ZNF350: variants seen among roughly 807,000 people sequenced by gnomAD.
The protein encoded by ZNF350 is KRAB zinc finger protein ZFQR.
ZNF350 carries 5 observed loss-of-function variants against 13.1 expected under a neutral mutation model. The observed-to-expected ratio is 0.38, with a 90% CI of 0.20 to 0.80. ZNF350 has a LOEUF of 0.80. Among genes scored for constraint, ZNF350 ranks in the 30% least tolerant of loss-of-function variants. The pLI is 0.43. For missense variants in ZNF350, 534 were observed against 644.2 expected, an observed-to-expected ratio of 0.83 and a Z score of 1.85; for synonymous variants, 199 against 224.2, an observed-to-expected ratio of 0.89 and a Z score of 1.00.
In ZNF350 at chr19:51,976,424, C is replaced by T. The variant is rs1471671527; in HGVS notation, c.-171-1893G>A. Reference sequence around the variant, plus strand: ...GGTCCGTGCAGGTTACAAATGGCAACCAGAACAGGGACTCCAAGCACGCCC... The same window carrying T: ...GGTCCGTGCAGGTTACAAATGGCAATCAGAACAGGGACTCCAAGCACGCCC... On this transcript the variant is annotated intron_variant, in intron 1 of 4. Transcript: ENST00000243644. The surrounding 1 kb of genome is among the most constrained non-coding windows in gnomAD (Gnocchi z 4.5). 1 of 152,218 alleles carries T rather than the reference C, an allele frequency of 6.6e-6. No homozygotes were observed. The highest frequency in any genetic ancestry group is 1.9e-4 in the East Asian group (1 of 5,192). The allele number at this position is 152,218 out of a possible 1,614,324, so 9.4% of individuals were successfully genotyped here.
intron 1 of ZNF350, among the ~76,000 whole-genome samples, chr19:51,977,388 A>G (rs1224994783): frequency 1.3e-5 from 2 of 152,232 alleles, no homozygotes; most frequent in South Asian, 2.1e-4. Flanking sequence ...CTGCTAGTGC[A>G]TATCTGACAT....
chr19:51,985,592 A>G (rs2086144083), intron 1 of ZNF350, among the ~76,000 whole-genome samples: 1 of 152,240 alleles, frequency 6.6e-6, no homozygotes. Context: ...GCTAAGACCA[A>G]CAAGGCCTTA....
chr19:51,972,218 T>C (rs895795681), intron 2 of ZNF350, among the ~76,000 whole-genome samples: 2 of 150,920 alleles, frequency 1.3e-5, no homozygotes, highest in Non-Finnish European at 3.0e-5. Flanking sequence ...TCCCAGCACT[T>C]TGGGAGGCAG....
intron 1 of ZNF350, among the ~76,000 whole-genome samples, chr19:51,980,169 TA>T (rs1371178036): frequency 6.6e-6 from 1 of 152,244 alleles, no homozygotes; most frequent in Non-Finnish European, 1.5e-5. Context: ...AATTGACCTG[TA>T]AATCTTGCCA....
intron 2 of ZNF350, among the ~76,000 whole-genome samples, chr19:51,971,764 G>A (rs866901026): frequency 2.6e-5 from 4 of 152,000 alleles, no homozygotes; most frequent in South Asian, 2.1e-4. Context: ...CCCTTCCTCC[G>A]AATATACTTT....
intron 1 of ZNF350, among the ~76,000 whole-genome samples, chr19:51,982,201 C>G (rs2086061885): frequency 6.6e-6 from 1 of 152,204 alleles, no homozygotes; most frequent in Non-Finnish European, 1.5e-5. Flanking sequence ...CACTGGACAT[C>G]CTAACTCATA....
chr19:51,969,469 C>A (rs1473100364), intron 2 of ZNF350, among the ~76,000 whole-genome samples: 1 of 151,934 alleles, frequency 6.6e-6, no homozygotes, highest in Non-Finnish European at 1.5e-5. Context: ...ATATATACAG[C>A]CATCCTTTAG....
In ZNF350 at chr19:51,984,748, A is replaced by T. The variant is rs533824243; in HGVS notation, c.-172+2022T>A. On this transcript the variant is annotated intron_variant, in intron 1 of 4. Transcript: ENST00000243644. ...AGAATGCTTTTTACATTTTTGAAAG[A>T]CTGTAAAACAAAAAGCAAATTAGCA... Among the ~76,000 whole-genome samples the T allele has an allele frequency of 2.0e-5, 3 of 152,356 alleles. No homozygotes were observed. The South Asian group carries it at 6.2e-4, about 32-fold the overall frequency.
chr19:51,975,446 A>AAAAAC (rs2085865429), intron 1 of ZNF350, among the ~76,000 whole-genome samples: 3 of 151,074 alleles, frequency 2.0e-5, no homozygotes, highest in African/African-American at 7.3e-5. Flanking sequence ...AAAAAAAAAA[A>AAAAAC]AAAAAACTAG....
At position 51,965,449 on chromosome 19, in the gene ZNF350, GCTATGAGACACGT is replaced by G; in HGVS notation, c.991_1003del (p.Thr331HisfsTer139). On this transcript the variant is annotated frameshift_variant, in exon 5 of 5. Transcript: ENST00000243644. LOFTEE classifies it low-confidence loss of function (END_TRUNC). ...CTTTCCTGTGTGAAATCTCTGATGTGCTATGAGACACGTCTTCTGAATGAAGCCTTTTCCACAT... is the reference window on the plus strand; with the variant it reads ...CTTTCCTGTGTGAAATCTCTGATGTGCTTCTGAATGAAGCCTTTTCCACAT... 2 of 1,613,926 alleles carry G rather than the reference GCTATGAGACACGT, an allele frequency of 1.2e-6. No homozygotes were observed. Among genetic ancestry groups the G allele is most frequent in the Non-Finnish European group, 1.7e-6 (2 of 1,179,972 alleles).
intron 1 of ZNF350, among the ~76,000 whole-genome samples, chr19:51,975,582 G>A (rs2085870870): frequency 6.6e-6 from 1 of 152,118 alleles, no homozygotes; most frequent in Non-Finnish European, 1.5e-5. Flanking sequence ...TTAGATAGCT[G>A]TTTTAAAATA....
rs1453645078 is a variant in ZNF350 at position 51,965,760 on chromosome 19, C to T, written c.693G>A (p.Glu231=). 29 of 1,613,822 alleles carry T rather than the reference C, an allele frequency of 1.8e-5. No individual in the cohort carries two copies. The highest frequency in any genetic ancestry group is 2.4e-5 in the Non-Finnish European group (28 of 1,179,862). ...CACATAGACTACATCTGTGGGGTTTCTCTCCTGTATGCATTACCTGGTGAT... is the reference window on the plus strand; with the variant it reads ...CACATAGACTACATCTGTGGGGTTTTTCTCCTGTATGCATTACCTGGTGAT... The part of the protein sequence containing the change: ...LTDHQVMHTG[E]KPHRCSLCEK... Residue 231 remains glutamate, a synonymous_variant, in exon 5 of 5, where the codon GAG becomes GAA. Transcript: ENST00000243644.
chr19:51,969,165 C>A, intron 2 of ZNF350, 34 bp from the exon 3 acceptor site: 1 of 1,600,254 alleles, frequency 6.2e-7, no homozygotes, highest in Non-Finnish European at 8.5e-7. Context: ...AAAGTGATGT[C>A]TTTTTGATGA....
intron 1 of ZNF350, chr19:51,981,327 A>C (rs2122955588): frequency 6.9e-6 from 1 of 145,686 alleles, no homozygotes; most frequent in Non-Finnish European, 1.5e-5. Context: ...GCCCTTGTCC[A>C]CTAGAGGTAA....
chr19:51,965,547 T>C lies in ZNF350; in HGVS notation c.906A>G (p.Lys302=). The C allele has an allele frequency of 6.2e-7, 1 of 1,614,194 alleles. No homozygotes were observed. Among genetic ancestry groups the C allele is most frequent in the Non-Finnish European group, 8.5e-7 (1 of 1,180,018 alleles). The change falls in exon 5 of 5, where the codon AAA becomes AAG. Residue 302 remains lysine (K), a synonymous_variant. Transcript: ENST00000243644. Reference sequence around the variant, plus strand: ...TTCGCTGGTGTACAATGAGATTTCCTTTCTGGATGAAGCCTTTTCCACATT... The same window carrying C: ...TTCGCTGGTGTACAATGAGATTTCCCTTCTGGATGAAGCCTTTTCCACATT... ...CSECGKGFIQ[K]GNLIVHQRIH...
intron 4 of ZNF350, chr19:51,967,366 T>C (rs558060193): frequency 6.6e-5 from 10 of 151,948 alleles, no homozygotes; most frequent in African/African-American, 2.2e-4. Context: ...GTTCACACCA[T>C]TGCGCTCCAG....
chr19:51,974,459 C>A lies in ZNF350; in HGVS notation c.-99G>T. 1 of 1,445,046 alleles carries A rather than the reference C, an allele frequency of 6.9e-7. No individual in the cohort carries two copies. 89.5% of individuals were successfully genotyped at this position (1,445,046 alleles called of 1,614,324 possible). On this transcript the variant is annotated 5_prime_UTR_variant, in exon 2 of 5. Coordinates refer to ENST00000243644, the MANE Select transcript of ZNF350 (RefSeq NM_021632.4). Reference sequence around the variant, plus strand: ...GTCTCAGTTTTCAATCAAGTGTGCCCCAAGAAATGGTGAACCCCAAATCCA... The same window carrying A: ...GTCTCAGTTTTCAATCAAGTGTGCCACAAGAAATGGTGAACCCCAAATCCA...
intron 1 of ZNF350, among the ~76,000 whole-genome samples, chr19:51,984,418 G>T (rs940528313): frequency 4.6e-5 from 7 of 152,150 alleles, no homozygotes; most frequent in African/African-American, 1.4e-4. Context: ...ACTATATCCT[G>T]CTAGGGGAAC....
At chr19:51,968,308 A>G (rs540996412) in intron 4 of ZNF350, among the ~76,000 whole-genome samples, 1 of 152,326 alleles carries the variant, frequency 6.6e-6, no homozygotes, top group South Asian at 2.1e-4. Context: ...AAGAAGGGAA[A>G]TACTTGAAAC....
Sources: allele counts gnomAD v4.1 joint callset (sites outside exome capture counted in the v4.1 genomes callset), GRCh38; gene constraint gnomAD v4.1.1; non-coding constraint Gnocchi (gnomAD v3.1); transcripts MANE v1.5; gene names NCBI Gene and HGNC (gene_info 2026-07-23, HGNC 2026-07-21).